Variants in EVC2 observed in about 807,000 individuals in gnomAD.
EVC2 encodes the protein limbin.
A neutral mutation model predicts 149.3 loss-of-function variants in EVC2; 148 were observed. That is an observed-to-expected ratio of 0.99 (90% confidence interval 0.87 to 1.14). EVC2 has a LOEUF of 1.14. EVC2 is among the 50% of genes most tolerant of loss of function. EVC2 has a pLI of 0.00. For synonymous variants in EVC2, 776 were observed against 649.9 expected (o/e 1.19, Z -2.95); for missense variants, 1,854 against 1,627.3 (o/e 1.14, Z -2.40).
rs573195320 is a variant in EVC2 at position 5,584,756 on chromosome 4, G to T, written c.2924C>A (p.Ala975Glu). The T allele has an allele frequency of 6.2e-7, 1 of 1,614,136 alleles. No homozygotes were observed. Among genetic ancestry groups the T allele is most frequent in the South Asian group, 1.1e-5 (1 of 91,070 alleles). The change falls in exon 17 of 22, where the codon GCG becomes GAG. Residue 975 changes from alanine to glutamate, a missense_variant. Coordinates refer to ENST00000344408, the MANE Select transcript of EVC2 (RefSeq NM_147127.5). Reference sequence around the variant, plus strand: ...CGACAGAGTCTCGGTCACCCGGGACGCCTTCTGGAACTGCAGAGCAACAAG... The same window carrying T: ...CGACAGAGTCTCGGTCACCCGGGACTCCTTCTGGAACTGCAGAGCAACAAG... ...QSLVALQFQK[A>E]SRVTETLSAY...
rs1716607608 is a variant in EVC2, at chr4:5,632,328, C to T, written c.1471-296G>A. On this transcript the variant is annotated intron_variant, in intron 10 of 21. Transcript: ENST00000344408. ...CAAGGCACAAGTACATGTGCGCACA[C>T]AGCATATACACACACAGCAAAAACA... Among the ~76,000 whole-genome samples the T allele has an allele frequency of 1.3e-5, 2 of 152,180 alleles. 1 individual carries two copies. Among genetic ancestry groups the T allele is most frequent in the South Asian group, 4.1e-4 (2 of 4,832 alleles).
Position 5,665,631 on chromosome 4 carries a change from G to C in EVC2, c.889C>G (p.Leu297Val), listed in dbSNP as rs886059492. Residue 297 changes from leucine to valine, a missense_variant, in exon 8 of 22, where the codon CTC becomes GTC. Leu to Val is a conservative substitution (Grantham distance 32). Coordinates refer to ENST00000344408, the MANE Select transcript of EVC2 (RefSeq NM_147127.5). ...ENVTVLPHHG[L>V]HAAGFFIAFL... ...GCAATGAAGAACCCTGCTGCGTGGA[G>C]GCCGTGGTGCGGCAGAACCTGTGGA... 5.0e-6 allele frequency: 8 copies of C among 1,614,210 alleles called. No individual in the cohort carries two copies. In the South Asian group the frequency reaches 7.7e-5, roughly 16 times the overall value.
rs1720936758 is a variant in EVC2, at chr4:5,689,215, G to A, written c.648C>T (p.Asp216=). 6.2e-7 allele frequency: 1 copy of A among 1,614,234 alleles called. No individual in the cohort carries two copies. The change falls in exon 5 of 22, where the codon GAC becomes GAT. Residue 216 remains aspartate (D), a synonymous_variant. Transcript: ENST00000344408. The part of the protein sequence containing the change: ...LDSIAGLTIW[D]SVGNRTSEGF... ...CTTCCGAGGTCCTGTTTCCCACAGA[G>A]TCCCAAATGGTGAGACCAGCAATGC...
chr4:5,675,488 T>C (rs1719925860), intron 7 of EVC2, among the ~76,000 whole-genome samples: 1 of 152,238 alleles, frequency 6.6e-6, no homozygotes, highest in Non-Finnish European at 1.5e-5. Context: ...CTCGTAGCAG[T>C]CAAATGCTGC....
chr4:5,702,494 C>T (rs1297940645), intron 1 of EVC2, among the ~76,000 whole-genome samples: 1 of 152,232 alleles, frequency 6.6e-6, no homozygotes, highest in African/African-American at 2.4e-5. Context: ...TAACCCTCCA[C>T]TGCCTCCTCC....
rs147391323 is a variant in EVC2 at position 5,645,650 on chromosome 4, T to C, written c.1146-4812A>G. On this transcript the variant is annotated intron_variant, in intron 9 of 21. Transcript: ENST00000344408. ...GTGTATATGTACCACATTTGCTTTA[T>C]CCAGTCTACCACTGATGAGCATTTA... Among the ~76,000 whole-genome samples the C allele has an allele frequency of 4.3e-3, 658 of 152,334 alleles. 8 individuals are homozygous for C. The highest frequency in any genetic ancestry group is 0.015 in the African/African-American group (633 of 41,586).
At chr4:5,596,495 G>C (rs1173171247) in intron 16 of EVC2, among the ~76,000 whole-genome samples, 1 of 152,150 alleles carries the variant, frequency 6.6e-6, no homozygotes, top group East Asian at 1.9e-4. Context: ...AATGAAGGCA[G>C]AAATAAAGAT....
intron 10 of EVC2, among the ~76,000 whole-genome samples, chr4:5,632,909 T>C (rs776251484): frequency 1.3e-4 from 20 of 152,210 alleles, no homozygotes; most frequent in Non-Finnish European, 2.9e-5. Context: ...ATATGCCACA[T>C]AAATTCCCTC....
At chr4:5,705,224 T>C (rs1439591939) in intron 1 of EVC2, among the ~76,000 whole-genome samples, 1 of 152,220 alleles carries the variant, frequency 6.6e-6, no homozygotes, top group East Asian at 1.9e-4. Flanking sequence ...ATTAGCATAA[T>C]GAAATGGTGA....
At chr4:5,598,648 C>T (rs539380386) in intron 16 of EVC2, among the ~76,000 whole-genome samples, 16 of 152,234 alleles carry the variant, frequency 1.1e-4, no homozygotes, top group South Asian at 8.3e-4. Flanking sequence ...CCATTCAGGA[C>T]ATAGGCATGG....
chr4:5,650,638 TAG>T (rs375595646), intron 9 of EVC2, among the ~76,000 whole-genome samples: 985 of 44,824 alleles, frequency 0.022, 15 homozygotes, highest in Middle Eastern at 0.027. Flanking sequence ...TATATATATA[TAG>T]AGAGAGAGAG....
chr4:5,685,561 T>C (rs1414990251), intron 5 of EVC2, 82 bp from the exon 6 acceptor site: 3 of 1,160,228 alleles, frequency 2.6e-6, no homozygotes, highest in Non-Finnish European at 3.8e-6. Context: ...AGACACATCC[T>C]GGCCCCTGGC....
chr4:5,662,607 T>C (rs1577222580), intron 9 of EVC2, among the ~76,000 whole-genome samples: 1 of 144,924 alleles, frequency 6.9e-6, no homozygotes, highest in South Asian at 2.1e-4. Context: ...TAATTATATT[T>C]AAATATATTT....
chr4:5,593,815 G>A (rs1240131859), intron 16 of EVC2, among the ~76,000 whole-genome samples: 2 of 152,148 alleles, frequency 1.3e-5, no homozygotes, highest in African/African-American at 4.8e-5. Context: ...CCCTTTCCTA[G>A]TCAAAGAAAG....
intron 9 of EVC2, among the ~76,000 whole-genome samples, chr4:5,659,236 C>G (rs1482363713): frequency 6.6e-6 from 1 of 151,934 alleles, no homozygotes; most frequent in African/African-American, 2.4e-5. Context: ...ATTACAAATG[C>G]GATAACTGAT....
At chr4:5,533,585 C>T in the EVC2 span, among the ~76,000 whole-genome samples, 1 of 152,210 alleles carries the variant, frequency 6.6e-6, no homozygotes, top group Admixed American at 6.5e-5. Context: ...GATTAAGATG[C>T]TTGTCTCACG....
chr4:5,536,549 C>T, the EVC2 span, among the ~76,000 whole-genome samples: 1 of 152,094 alleles, frequency 6.6e-6, no homozygotes, highest in Non-Finnish European at 1.5e-5. Context: ...CTTTGGGAGG[C>T]CAAGGCGGGC....
At chr4:5,655,508 G>T (rs557363592) in intron 9 of EVC2, among the ~76,000 whole-genome samples, 1 of 152,248 alleles carries the variant, frequency 6.6e-6, no homozygotes, top group African/African-American at 2.4e-5. Flanking sequence ...CCCTCTGCTG[G>T]AAATGCCCCA....
chr4:5,614,510 G>C lies in EVC2; in HGVS notation c.2829+912C>G, dbSNP rs1385577992. On this transcript the variant is annotated intron_variant, in intron 16 of 21. Transcript: ENST00000344408. This position sits in a 1 kb window ranked among gnomAD's most constrained non-coding sequence, Gnocchi z 4.7. ...GAGTGGGAGAATCTACGGTGTTCGG[G>C]TAAGGCTTCTTGGAAGGGGAGACAT... Among the ~76,000 whole-genome samples the C allele has an allele frequency of 6.6e-6, 1 of 152,184 alleles. No homozygotes were observed. The highest frequency in any genetic ancestry group is 1.5e-5 in the Non-Finnish European group (1 of 68,034).
Sources: allele counts gnomAD v4.1 joint callset (sites outside exome capture counted in the v4.1 genomes callset), GRCh38; gene constraint gnomAD v4.1.1; non-coding constraint Gnocchi (gnomAD v3.1); transcripts MANE v1.5; gene names NCBI Gene and HGNC (gene_info 2026-07-23, HGNC 2026-07-21).